Variants in SDS observed in about 807,000 individuals in gnomAD.
SDS encodes serine dehydratase, also known as L-serine dehydratase/L-threonine deaminase.
A neutral mutation model predicts 29.3 loss-of-function variants in SDS; 19 were observed. That is an observed-to-expected ratio of 0.65 (90% CI 0.45 to 0.95). The LOEUF is 0.95. Among genes scored for constraint, SDS ranks in the 40% least tolerant of loss-of-function variants. The pLI is 0.00. For missense variants in SDS, 375 were observed against 439.9 expected, an observed-to-expected ratio of 0.85 and a Z score of 1.32; for synonymous variants, 176 against 189.0, an observed-to-expected ratio of 0.93 and a Z score of 0.56.
chr12:113,395,291 C>T (rs879398273), intron 6 of SDS, among the ~76,000 whole-genome samples: 7 of 152,212 alleles, frequency 4.6e-5, no homozygotes, highest in African/African-American at 1.7e-4. Flanking sequence ...CACCTCAGCC[C>T]TCAGCAGCAC....
At chr12:113,397,496 T>G in intron 5 of SDS, 104 bp from the exon 6 acceptor site, 1 of 931,980 alleles carries the variant, frequency 1.1e-6, no homozygotes, top group Non-Finnish European at 1.6e-6. Flanking sequence ...CTGGAGCTAG[T>G]TCCCTCCCCA....
chr12:113,401,893 T>C (rs372141136), intron 1 of SDS, among the ~76,000 whole-genome samples: 27 of 152,328 alleles, frequency 1.8e-4, no homozygotes, highest in African/African-American at 6.3e-4. Flanking sequence ...AGGGGCTCTC[T>C]GGTTCCCCCT....
chr12:113,395,207 G>T (rs959323958), intron 6 of SDS, among the ~76,000 whole-genome samples: 1 of 148,802 alleles, frequency 6.7e-6, no homozygotes, highest in African/African-American at 2.4e-5. Context: ...CCAGCTTCCT[G>T]GGGTGACCAC....
rs575824483 is a variant in SDS at position 113,400,977 on chromosome 12, C to G, written c.-2-1267G>C. On this transcript the variant is annotated intron_variant, in intron 1 of 7. Coordinates refer to ENST00000257549, the MANE Select transcript of SDS (RefSeq NM_006843.3). ...GACCATCCTGGCTAACATGGTGAAACCCCGTCTCTACTAAAAATACAAGCT... is the reference window on the plus strand; with the variant it reads ...GACCATCCTGGCTAACATGGTGAAAGCCCGTCTCTACTAAAAATACAAGCT... 6.6e-5 allele frequency among the ~76,000 whole-genome samples: 10 copies of G among 152,098 alleles called. No individual in the cohort carries two copies. The South Asian group carries it at 1.0e-3, about 16-fold the overall frequency.
In SDS at chr12:113,392,821, G is replaced by T; in HGVS notation, c.*120C>A. The T allele has an allele frequency of 1.0e-6, 1 of 962,128 alleles. No individual in the cohort carries two copies. The highest frequency in any genetic ancestry group is 1.6e-6 in the Non-Finnish European group (1 of 617,876). 59.6% of individuals were successfully genotyped at this position (962,128 alleles called of 1,614,324 possible). A position where few individuals can be genotyped will look rare whatever the true frequency, so the allele number is the denominator to read the frequency against. On this transcript the variant is annotated 3_prime_UTR_variant, in exon 8 of 8. Coordinates refer to ENST00000257549, the MANE Select transcript of SDS (RefSeq NM_006843.3). ...CATAGTGGGCTCCTGATAACAAGAA[G>T]TTAACCTGCACCCAGGCCACAGGTG...
chr12:113,395,048 G>T (rs1202436231), intron 6 of SDS, among the ~76,000 whole-genome samples: 1 of 152,150 alleles, frequency 6.6e-6, no homozygotes, highest in Non-Finnish European at 1.5e-5. Context: ...GTTGTTAATT[G>T]GTTTGATTTT....
At chr12:113,401,017 G>A (rs1402749189) in intron 1 of SDS, among the ~76,000 whole-genome samples, 2 of 152,108 alleles carry the variant, frequency 1.3e-5, no homozygotes, top group African/African-American at 2.4e-5. Flanking sequence ...GGGAGGCTGA[G>A]GCAGGAGAAT....
At position 113,396,471 on chromosome 12, in the gene SDS, T is replaced by C. The variant is rs1409177160; in HGVS notation, c.653+694A>G. Among the ~76,000 whole-genome samples, 6 of 96,700 alleles carry C rather than the reference T, an allele frequency of 6.2e-5. 1 individual carries two copies. In the South Asian group the frequency reaches 2.0e-3, roughly 33 times the overall value. The allele number at this position is 96,700 out of a possible 152,430, so 63.4% of individuals were successfully genotyped here. ...TTTCTCTCTTTCTCTTTCTCCTTTT[T>C]TCTTTCTTTCTCTCTCTTTCTTTCC... On this transcript the variant is annotated intron_variant, in intron 6 of 7. Transcript: ENST00000257549.
Position 113,398,615 on chromosome 12 carries a change from C to CCACAGGGGAGATAGGAGGGGGTGAGGCA in SDS, c.334-37_334-10dup. 6.3e-7 allele frequency: 1 copy of CCACAGGGGAGATAGGAGGGGGTGAGGCA among 1,598,040 alleles called. No homozygotes were observed. Among genetic ancestry groups the CCACAGGGGAGATAGGAGGGGGTGAGGCA allele is most frequent in the Non-Finnish European group, 8.5e-7 (1 of 1,170,218 alleles). On this transcript the variant is annotated splice_polypyrimidine_tract_variant and intron_variant, in intron 4 of 7. Coordinates refer to ENST00000257549, the MANE Select transcript of SDS (RefSeq NM_006843.3). ...AAGGCTTCATCCAATAACTGCAAAGCCACAGGGGAGATAGGAGGGGGTGAG... is the reference window on the plus strand; with the variant it reads ...AAGGCTTCATCCAATAACTGCAAAGCCACAGGGGAGATAGGAGGGGGTGAGGCACACAGGGGAGATAGGAGGGGGTGAG...
rs1236784802 is a variant in SDS at position 113,399,543 on chromosome 12, C to G, written c.153+13G>C. 6.4e-7 allele frequency: 1 copy of G among 1,555,148 alleles called. No homozygotes were observed. Among genetic ancestry groups the G allele is most frequent in the Non-Finnish European group, 8.7e-7 (1 of 1,153,538 alleles). On this transcript the variant is annotated intron_variant, in intron 2 of 7. Coordinates refer to ENST00000257549, the MANE Select transcript of SDS (RefSeq NM_006843.3). ...GCCACCCCTGCCCAGATAATGCTGA[C>G]CCGGTCCCGTACCCTCTTGCAGAAG...
Position 113,398,840 on chromosome 12 carries a change from T to A in SDS, c.200A>T (p.Asn67Ile). 6.2e-7 allele frequency: 1 copy of A among 1,604,874 alleles called. No individual in the cohort carries two copies. ...CGCATATGCAGCCGCCATGCCTGCG[T>A]TGCCCGCTGCCAGGGTCGGGGGTGG... ...CAHFVCSSAGNAGMAAAYAAR... is the reference protein window; with the variant it reads ...CAHFVCSSAGIAGMAAAYAAR... The change falls in exon 4 of 8, where the codon AAC (asparagine) becomes ATC (isoleucine). Residue 67 changes from asparagine to isoleucine, a missense_variant. Asn to Ile is a moderately radical substitution (Grantham distance 149, BLOSUM62 -3). Transcript: ENST00000257549.
chr12:113,397,038 A>G (rs1957650944), intron 6 of SDS, 127 bp downstream of exon 6: 1 of 853,952 alleles, frequency 1.2e-6, no homozygotes. Flanking sequence ...GGCCCTGGGC[A>G]AGCGATCAAA....
At chr12:113,398,436 T>TCTCG in intron 5 of SDS, 79 bp downstream of exon 5, 8 of 870,296 alleles carry the variant, frequency 9.2e-6, no homozygotes, top group Admixed American at 9.0e-5. Context: ...GACGTGATGA[T>TCTCG]GTGCATCATA....
chr12:113,394,553 T>C (rs1223069016), intron 6 of SDS, among the ~76,000 whole-genome samples: 2 of 152,132 alleles, frequency 1.3e-5, no homozygotes, highest in African/African-American at 4.8e-5. Flanking sequence ...TTGACCAGGC[T>C]GGCCTCGAAT....
Position 113,398,461 on chromosome 12 carries a change from G to GCAATGCC in SDS, c.425+53_425+54insGGCATTG. The GCAATGCC allele has an allele frequency of 2.7e-6, 3 of 1,106,992 alleles. 1 individual carries two copies. The South Asian group carries it at 4.0e-5, about 15-fold the overall frequency. 68.6% of individuals were successfully genotyped at this position (1,106,992 alleles called of 1,614,324 possible). A position where few individuals can be genotyped will look rare whatever the true frequency, so the allele number is the denominator to read the frequency against. ...TGTGCATCATAGCAATGCCTGCCCAGTGATATAGGGCAGTGGCTGCCACCC... is the reference window on the plus strand; with the variant it reads ...TGTGCATCATAGCAATGCCTGCCCAGCAATGCCTGATATAGGGCAGTGGCTGCCACCC... On this transcript the variant is annotated intron_variant, in intron 5 of 7. Transcript: ENST00000257549.
rs764636242 is a variant in SDS, at chr12:113,399,584, A to C, written c.125T>G (p.Ile42Ser). The stretch of plus-strand genomic sequence containing the variant: ...CTTGCAGAAGTGCCCAATGCCCCGG[A>C]TCTTGAAGGAGCCGGAGGGCTGGGC... ...DSAQPSGSFK[I>S]RGIGHFCKRW... Residue 42 changes from isoleucine to serine, a missense_variant, in exon 2 of 8, where the codon ATC becomes AGC. Ile to Ser is a moderately radical substitution (Grantham distance 142). Coordinates refer to ENST00000257549, the MANE Select transcript of SDS (RefSeq NM_006843.3). 6.2e-7 allele frequency: 1 copy of C among 1,600,998 alleles called. No individual in the cohort carries two copies. The highest frequency in any genetic ancestry group is 1.1e-5 in the South Asian group (1 of 88,918).
Position 113,392,933 on chromosome 12 carries a change from G to A in SDS, c.*8C>T. On this transcript the variant is annotated 3_prime_UTR_variant, in exon 8 of 8. Coordinates refer to ENST00000257549, the MANE Select transcript of SDS (RefSeq NM_006843.3). ...CTAGGAGAGCACAGATCGGTAAGGGGTCCGTCCTCACTTGGGCAACCTATT... is the reference window on the plus strand; with the variant it reads ...CTAGGAGAGCACAGATCGGTAAGGGATCCGTCCTCACTTGGGCAACCTATT... 3.7e-6 allele frequency: 6 copies of A among 1,613,294 alleles called. No homozygotes were observed. Among genetic ancestry groups the A allele is most frequent in the Non-Finnish European group, 5.1e-6 (6 of 1,179,312 alleles).
rs532798929 is a variant in SDS, at chr12:113,393,148, A to G, written c.780T>C (p.Asp260=). 12 of 1,613,562 alleles carry G rather than the reference A, an allele frequency of 7.4e-6. No homozygotes were observed. In the South Asian group the frequency reaches 1.2e-4, roughly 16 times the overall value. ...EAVAAIEKFV[D]DEKILVEPAC... ...CGGGCTCCACCAGGATCTTCTCATC[A>G]TCTGCCAGAGAAGGGGCGTGACAGG... Residue 260 remains aspartate, a splice_region_variant and synonymous_variant, in exon 8 of 8, where the codon GAT becomes GAC. Transcript: ENST00000257549.
At chr12:113,403,443 G>C (rs571664235) in intron 1 of SDS, among the ~76,000 whole-genome samples, 4 of 152,234 alleles carry the variant, frequency 2.6e-5, no homozygotes, top group African/African-American at 9.6e-5. Flanking sequence ...AGAATCGCTT[G>C]AACCCAGGAG....
Sources: allele counts gnomAD v4.1 joint callset (sites outside exome capture counted in the v4.1 genomes callset), GRCh38; gene constraint gnomAD v4.1.1; transcripts MANE v1.5; gene names NCBI Gene and HGNC (gene_info 2026-07-23, HGNC 2026-07-21).